Variants in OR1F1 observed in about 807,000 individuals in gnomAD.
OR1F1 encodes olfactory receptor family 1 subfamily F member 1.
For missense variants in OR1F1, 493 were observed against 376.3 expected (o/e 1.31, Z -2.57); for synonymous variants, 184 against 156.7 (o/e 1.17, Z -1.30).
chr16:3,204,960 C>A, exon 1 of OR1F1: 1 of 1,613,966 alleles, frequency 6.2e-7, no homozygotes, highest in South Asian at 1.1e-5. Flanking sequence ...GGAAAGCCTT[C>A]TCCACCTGTG....
the OR1F1 span, among the ~76,000 whole-genome samples, chr16:3,198,224 C>T: frequency 4.0e-5 from 6 of 151,882 alleles, no homozygotes; most frequent in Admixed American, 2.6e-4. Flanking sequence ...TAACAGGTCC[C>T]CAAGTATGCA....
exon 1 of OR1F1, chr16:3,204,296 T>C: frequency 6.2e-7 from 1 of 1,613,788 alleles, no homozygotes; most frequent in East Asian, 2.2e-5. Context: ...CTCCTGGGAC[T>C]CTCCAGGCAG....
chr16:3,204,334 T>G, exon 1 of OR1F1: 1 of 1,614,124 alleles, frequency 6.2e-7, no homozygotes, highest in Middle Eastern at 1.6e-4. Context: ...CCTCTTTGTG[T>G]TCTTCCTCAG....
At chr16:3,192,601 C>T in the OR1F1 span, among the ~76,000 whole-genome samples, 1 of 152,320 alleles carries the variant, frequency 6.6e-6, no homozygotes, top group South Asian at 2.1e-4. Context: ...ACAGTCACAG[C>T]GGATTCCAGG....
chr16:3,205,865 A>T (rs935855043), downstream of OR1F1, among the ~76,000 whole-genome samples: 1 of 152,204 alleles, frequency 6.6e-6, no homozygotes, highest in African/African-American at 2.4e-5. Context: ...TGATTGTAAA[A>T]CATGTGTATT....
exon 1 of OR1F1, chr16:3,204,544 C>G (rs764249432): frequency 6.2e-7 from 1 of 1,614,176 alleles, no homozygotes; most frequent in African/African-American, 1.3e-5. Context: ...CTGTCTCACA[C>G]AGATGTATTT....
the OR1F1 span, among the ~76,000 whole-genome samples, chr16:3,195,549 G>T: frequency 6.6e-6 from 1 of 151,960 alleles, no homozygotes; most frequent in Non-Finnish European, 1.5e-5. Context: ...GGGCGTGGTG[G>T]GGGTGGCCTG....
chr16:3,204,355 G>A (rs983528249), exon 1 of OR1F1: 1 of 1,614,010 alleles, frequency 6.2e-7, no homozygotes, highest in Admixed American at 1.7e-5. Context: ...CATGTACCTG[G>A]CCACTGTCCT....
upstream of OR1F1, among the ~76,000 whole-genome samples, chr16:3,201,726 C>T (rs749242685): frequency 2.0e-5 from 3 of 152,084 alleles, no homozygotes; most frequent in Non-Finnish European, 2.9e-5. Flanking sequence ...AAGCAGGGCT[C>T]GGACACTGGA....
At chr16:3,198,919 G>C in the OR1F1 span, among the ~76,000 whole-genome samples, 1 of 150,234 alleles carries the variant, frequency 6.7e-6, no homozygotes, top group Non-Finnish European at 1.5e-5. Flanking sequence ...TTCACTCCTC[G>C]GCACTCCAGC....
chr16:3,192,053 A>G, the OR1F1 span, among the ~76,000 whole-genome samples: 8 of 152,094 alleles, frequency 5.3e-5, no homozygotes, highest in East Asian at 5.8e-4. Context: ...CAAATCCCGG[A>G]CGAGCCCCTC....
the OR1F1 span, among the ~76,000 whole-genome samples, chr16:3,198,161 GAGAGAGAGAC>G: frequency 2.1e-5 from 3 of 140,598 alleles, no homozygotes; most frequent in Non-Finnish European, 3.2e-5. Flanking sequence ...GAGAGAGGGA[GAGAGAGAGAC>G]AGAGAGAGAG....
chr16:3,192,052 G>A, the OR1F1 span, among the ~76,000 whole-genome samples: 8 of 152,190 alleles, frequency 5.3e-5, no homozygotes, highest in Admixed American at 2.0e-4. Context: ...TCAAATCCCG[G>A]ACGAGCCCCT....
chr16:3,195,106 C>T, the OR1F1 span, among the ~76,000 whole-genome samples: 5 of 152,218 alleles, frequency 3.3e-5, no homozygotes, highest in Non-Finnish European at 4.4e-5. Context: ...AAGCGCATCC[C>T]GGCCCAGGAG....
upstream of OR1F1, among the ~76,000 whole-genome samples, chr16:3,201,873 A>C (rs1313138864): frequency 6.6e-6 from 1 of 152,168 alleles, no homozygotes; most frequent in East Asian, 1.9e-4. Flanking sequence ...CCTTCCCTAG[A>C]AATTTCTGCA....
the OR1F1 span, among the ~76,000 whole-genome samples, chr16:3,194,649 A>G: frequency 1.3e-5 from 2 of 152,134 alleles, no homozygotes; most frequent in Admixed American, 6.6e-5. Flanking sequence ...AGGAGGGGAG[A>G]AAAAAGATTC....
downstream of OR1F1, among the ~76,000 whole-genome samples, chr16:3,205,731 G>T (rs189898580): frequency 6.6e-6 from 1 of 152,072 alleles, no homozygotes; most frequent in Non-Finnish European, 1.5e-5. Context: ...ATCAGTTCCC[G>T]AAATTAACAC....
At chr16:3,192,508 G>T in the OR1F1 span, among the ~76,000 whole-genome samples, 1 of 152,256 alleles carries the variant, frequency 6.6e-6, no homozygotes, top group South Asian at 2.1e-4. Flanking sequence ...TCGCATGAGT[G>T]TCTGAGGTCC....
the OR1F1 span, among the ~76,000 whole-genome samples, chr16:3,190,396 A>G: frequency 5.3e-5 from 8 of 152,138 alleles, no homozygotes; most frequent in African/African-American, 1.9e-4. Context: ...TTTGTTTGGG[A>G]CGCTGGGTTT....
Sources: allele counts gnomAD v4.1 joint callset (sites outside exome capture counted in the v4.1 genomes callset), GRCh38; gene constraint gnomAD v4.1.1; transcripts MANE v1.5; gene names NCBI Gene and HGNC (gene_info 2026-07-23, HGNC 2026-07-21).